Variants in ACOT7 observed in about 807,000 individuals in gnomAD.
The protein encoded by ACOT7 is cytosolic acyl coenzyme A thioester hydrolase.
In ACOT7, 12 loss-of-function variants were observed where a neutral mutation model predicts 40.2. The observed-to-expected ratio is 0.30, with a 90% CI of 0.19 to 0.48. The LOEUF is 0.48. Among genes scored for constraint, ACOT7 ranks in the 20% least tolerant of loss-of-function variants. ACOT7 has a pLI of 0.99. For missense variants in ACOT7, 395 were observed against 530.8 expected (o/e 0.74, Z 2.51); for synonymous variants, 228 against 219.5 (o/e 1.04, Z -0.34).
intron 1 of ACOT7, among the ~76,000 whole-genome samples, chr1:6,367,637 T>A (rs59383970): frequency 0.36 from 54,500 of 152,172 alleles, 14,861 homozygotes; most frequent in African/African-American, 0.77. Context: ...ACGGGAATGC[T>A]GTGGTGCCTG....
intron 1 of ACOT7, among the ~76,000 whole-genome samples, chr1:6,363,061 A>G (rs893058838): frequency 6.6e-5 from 10 of 152,234 alleles, no homozygotes; most frequent in Non-Finnish European, 1.2e-4. Context: ...AATATCATTA[A>G]TCATTAATTT....
chr1:6,370,179 T>C (rs1383396327), intron 1 of ACOT7, among the ~76,000 whole-genome samples: 2 of 152,158 alleles, frequency 1.3e-5, no homozygotes, highest in Non-Finnish European at 2.9e-5. Context: ...TCTCTGGCCA[T>C]GTGACCTGCA....
Position 6,355,348 on chromosome 1 carries a change from C to A in ACOT7, c.144-5482G>T, listed in dbSNP as rs1641714047. ...TTAAACGAAGCACTGCAAGGGTACT[C>A]ACTGCACAGCCGTGTATAACGCAGG... On this transcript the variant is annotated intron_variant, in intron 1 of 8. Transcript: ENST00000361521. The surrounding 1 kb of genome is among the most constrained non-coding windows in gnomAD (Gnocchi z 5.0). Among the ~76,000 whole-genome samples, 1 of 152,210 alleles carries A rather than the reference C, an allele frequency of 6.6e-6. No individual in the cohort carries two copies. Among genetic ancestry groups the A allele is most frequent in the Admixed American group, 6.5e-5 (1 of 15,286 alleles).
rs1327980424 is a variant in ACOT7, at chr1:6,330,527, C to A, written c.510+2950G>T. On this transcript the variant is annotated intron_variant, in intron 4 of 8. Coordinates refer to ENST00000361521, the MANE Select transcript of ACOT7 (RefSeq NM_007274.4). The surrounding 1 kb of genome is among the most constrained non-coding windows in gnomAD (Gnocchi z 4.6). ...CCTCGGAGCCATGGAATGGTTTCAA[C>A]AACTCCTCGACAAGGCCAAGTTGGT... 6.6e-6 allele frequency among the ~76,000 whole-genome samples: 1 copy of A among 152,180 alleles called. No individual in the cohort carries two copies. The highest frequency in any genetic ancestry group is 1.5e-5 in the Non-Finnish European group (1 of 68,020).
At chr1:6,361,519 C>A (rs58983269) in intron 1 of ACOT7, among the ~76,000 whole-genome samples, 11,069 of 152,254 alleles carry the variant, frequency 0.073, 644 homozygotes, top group African/African-American at 0.15. Context: ...ACAAACAAGG[C>A]AGGGTGGAGT....
Position 6,359,022 on chromosome 1 carries a change from G to C in ACOT7, c.144-9156C>G. The stretch of plus-strand genomic sequence containing the variant: ...AATCTGGCCAGGAAGAGGCTGCCTC[G>C]CCAATCCAGAGCGTCTACCAGAAAC... On this transcript the variant is annotated intron_variant, in intron 1 of 8. Coordinates refer to ENST00000361521, the MANE Select transcript of ACOT7 (RefSeq NM_007274.4). The surrounding 1 kb of genome is among the most constrained non-coding windows in gnomAD (Gnocchi z 4.1). 1 of 1,043,050 alleles carries C rather than the reference G, an allele frequency of 9.6e-7. No homozygotes were observed. The highest frequency in any genetic ancestry group is 1.3e-6 in the Non-Finnish European group (1 of 752,402). The allele number at this position is 1,043,050 out of a possible 1,614,324, so 64.6% of individuals were successfully genotyped here.
rs1639904778 is a variant in ACOT7, at chr1:6,299,530, C to A, written c.713-4550G>T. On this transcript the variant is annotated intron_variant, in intron 6 of 8. Coordinates refer to ENST00000361521, the MANE Select transcript of ACOT7 (RefSeq NM_007274.4). This position sits in a 1 kb window ranked among gnomAD's most constrained non-coding sequence, Gnocchi z 4.1. The stretch of plus-strand genomic sequence containing the variant: ...ACAGTCGGCCTCCCCTTACCAGGCA[C>A]CACACACAGAGGGCACAGAGGACAG... 6.6e-6 allele frequency among the ~76,000 whole-genome samples: 1 copy of A among 151,900 alleles called. No homozygotes were observed. The highest frequency in any genetic ancestry group is 1.5e-5 in the Non-Finnish European group (1 of 67,974).
chr1:6,312,481 C>T (rs1395018905), intron 6 of ACOT7, among the ~76,000 whole-genome samples: 7 of 115,634 alleles, frequency 6.1e-5, no homozygotes, highest in Non-Finnish European at 8.4e-5. Context: ...TTCTTTATTT[C>T]GAGGCAGAGT....
At chr1:6,387,142 G>A (rs186265952) in intron 1 of ACOT7, among the ~76,000 whole-genome samples, 5 of 152,156 alleles carry the variant, frequency 3.3e-5, no homozygotes, top group East Asian at 3.9e-4. Flanking sequence ...GAGGCACAGC[G>A]AGTGAGTGAA....
chr1:6,364,886 G>C (rs1641968400), intron 1 of ACOT7, among the ~76,000 whole-genome samples: 1 of 150,568 alleles, frequency 6.6e-6, no homozygotes, highest in Non-Finnish European at 1.5e-5. Context: ...AGCCAGGCAT[G>C]GTGGTGGGAG....
At chr1:6,284,025 G>A (rs1299072048) in intron 7 of ACOT7, among the ~76,000 whole-genome samples, 1 of 152,172 alleles carries the variant, frequency 6.6e-6, no homozygotes, top group African/African-American at 2.4e-5. Flanking sequence ...GAAATCTGAT[G>A]TGGTCACTGG....
chr1:6,349,967 C>T (rs1641543297), intron 1 of ACOT7, 101 bp from the exon 2 acceptor site: 2 of 1,152,344 alleles, frequency 1.7e-6, no homozygotes, highest in East Asian at 4.8e-5. Context: ...GGCTCAATGG[C>T]TCCCGGAGGA....
rs1046298740 is a variant in ACOT7 at position 6,330,193 on chromosome 1, G to A, written c.511-2780C>T. ...ACAGGGACGTACATTTTCCTAAATC[G>A]GGGATGGCTGTCTGTAGAAAGGTCA... On this transcript the variant is annotated intron_variant, in intron 4 of 8. Transcript: ENST00000361521. This position sits in a 1 kb window ranked among gnomAD's most constrained non-coding sequence, Gnocchi z 4.6. Among the ~76,000 whole-genome samples the A allele has an allele frequency of 5.9e-5, 9 of 152,138 alleles. No individual in the cohort carries two copies. The highest frequency in any genetic ancestry group is 1.3e-4 in the Admixed American group (2 of 15,276).
rs528910246 is a variant in ACOT7 at position 6,327,489 on chromosome 1, G to C, written c.511-76C>G. On this transcript the variant is annotated intron_variant, in intron 4 of 8. Transcript: ENST00000361521. ...CCTCGCTGGGCGGCCATGATCCCAG[G>C]CCCTTATAGCCTTGTGTAACTGGGA... 1.2e-5 allele frequency: 15 copies of C among 1,298,934 alleles called. No individual in the cohort carries two copies. In the South Asian group the frequency reaches 1.8e-4, roughly 16 times the overall value. The allele number at this position is 1,298,934 out of a possible 1,614,324, so 80.5% of individuals were successfully genotyped here. A position where few individuals can be genotyped will look rare whatever the true frequency, so the allele number is the denominator to read the frequency against.
chr1:6,273,100 G>C (rs1639082855), intron 8 of ACOT7, among the ~76,000 whole-genome samples: 1 of 152,256 alleles, frequency 6.6e-6, no homozygotes, highest in African/African-American at 2.4e-5. Context: ...ACCCCCCGCA[G>C]CCGGTTAGGC....
rs1640915061 is a variant in ACOT7 at position 6,330,082 on chromosome 1, T to C, written c.511-2669A>G. 6.6e-6 allele frequency among the ~76,000 whole-genome samples: 1 copy of C among 152,178 alleles called. No homozygotes were observed. The highest frequency in any genetic ancestry group is 1.5e-5 in the Non-Finnish European group (1 of 68,024). ...TGTGTGTGTGGTGTGTGTGTGTGTG[T>C]GCGTGTTCAAGATATCTACATGCAT... On this transcript the variant is annotated intron_variant, in intron 4 of 8. Coordinates refer to ENST00000361521, the MANE Select transcript of ACOT7 (RefSeq NM_007274.4). The surrounding 1 kb of genome is among the most constrained non-coding windows in gnomAD (Gnocchi z 4.6).
chr1:6,387,289 G>T (rs1332317599), intron 1 of ACOT7, among the ~76,000 whole-genome samples: 1 of 151,828 alleles, frequency 6.6e-6, no homozygotes, highest in Non-Finnish European at 1.5e-5. Flanking sequence ...AAATATTCTT[G>T]TGTATGCATT....
intron 1 of ACOT7, among the ~76,000 whole-genome samples, chr1:6,377,356 C>T (rs1052098933): frequency 6.6e-5 from 10 of 151,942 alleles, no homozygotes; most frequent in Admixed American, 1.3e-4. Flanking sequence ...GACAACATAG[C>T]GAGACTCCAT....
chr1:6,326,181 C>T (rs1037126295), intron 5 of ACOT7, among the ~76,000 whole-genome samples: 6 of 152,182 alleles, frequency 3.9e-5, no homozygotes, highest in Non-Finnish European at 7.4e-5. Context: ...GCACACAGTG[C>T]GTCCTGGAGG....
Sources: gnomAD v4.1 joint callset for allele counts (sites outside exome capture counted in the v4.1 genomes callset) on GRCh38, gnomAD v4.1.1 for gene constraint, Gnocchi (gnomAD v3.1) non-coding constraint, MANE v1.5 for transcripts, NCBI Gene and HGNC (gene_info 2026-07-23, HGNC 2026-07-21) for gene names.